ZFYVE19: variants seen among roughly 807,000 people sequenced by gnomAD.
ZFYVE19 encodes zinc finger FYVE-type containing 19.
ZFYVE19 carries 49 observed loss-of-function variants against 62.8 expected under a neutral mutation model. The ratio of observed to expected loss-of-function variants is 0.78; its 90% CI spans 0.62 to 0.99. The LOEUF is 0.99. Among genes scored for constraint, ZFYVE19 ranks in the 50% least tolerant of loss-of-function variants. ZFYVE19 has a pLI of 0.00. For missense variants in ZFYVE19, 630 were observed against 601.9 expected, an observed-to-expected ratio of 1.05 and a Z score of -0.49; for synonymous variants, 242 against 234.3, an observed-to-expected ratio of 1.03 and a Z score of -0.30.
In ZFYVE19 at chr15:40,814,528, C is replaced by A; in HGVS notation, c.*302C>A. 2.1e-6 allele frequency: 1 copy of A among 465,312 alleles called. No individual in the cohort carries two copies. The highest frequency in any genetic ancestry group is 3.4e-5 in the Admixed American group (1 of 29,242). 28.8% of individuals were successfully genotyped at this position (465,312 alleles called of 1,614,324 possible). A position where few individuals can be genotyped will look rare whatever the true frequency, so the allele number is the denominator to read the frequency against. On this transcript the variant is annotated 3_prime_UTR_variant, in exon 11 of 11. Transcript: ENST00000355341. ...TGGCTCTAGGGCACAGGCCCCTCCC[C>A]TGGCACTTAGTGGGTCTAATAAAGT...
At chr15:40,814,113 C>A (rs1291929632) in intron 10 of ZFYVE19, 35 bp from the exon 11 acceptor site, 1 of 1,614,080 alleles carries the variant, frequency 6.2e-7, no homozygotes, top group Non-Finnish European at 8.5e-7. Context: ...TCAAGGGCTG[C>A]CTGGATCCCT....
chr15:40,807,394 A>G lies in ZFYVE19; in HGVS notation c.-196A>G. The G allele has an allele frequency of 6.2e-7, 1 of 1,614,188 alleles. No homozygotes were observed. The highest frequency in any genetic ancestry group is 8.5e-7 in the Non-Finnish European group (1 of 1,180,036). On this transcript the variant is annotated 5_prime_UTR_variant, in exon 1 of 11. It removes an upstream start codon present in the reference 5' UTR. Coordinates refer to ENST00000355341, the MANE Select transcript of ZFYVE19 (RefSeq NM_001077268.2). ...CTCTTTGTCCGCTGCCTTCTCCTCA[A>G]TGCCTAGCAGCGCGTACAGGTCCAT... is the stretch of plus-strand genomic sequence containing the variant.
At chr15:40,812,260 G>A (rs1013315473) in intron 6 of ZFYVE19, among the ~76,000 whole-genome samples, 3 of 152,134 alleles carry the variant, frequency 2.0e-5, no homozygotes, top group South Asian at 2.1e-4. Context: ...AGAAAGGGTT[G>A]AGAAAAGCTG....
chr15:40,812,962 C>A, intron 7 of ZFYVE19, 60 bp downstream of exon 7: 1 of 1,575,376 alleles, frequency 6.3e-7, no homozygotes, highest in Non-Finnish European at 8.6e-7. Context: ...CCTGGCAGGG[C>A]TGAGTCAGGT....
chr15:40,809,672 C>T (rs142932971), intron 3 of ZFYVE19, among the ~76,000 whole-genome samples, 180 bp from the exon 4 acceptor site: 133 of 152,296 alleles, frequency 8.7e-4, no homozygotes, highest in African/African-American at 3.1e-3. Context: ...TCAGCTGGAC[C>T]GTCTGGCTGG....
Position 40,807,650 on chromosome 15 carries a change from G to C in ZFYVE19, c.61G>C (p.Ala21Pro). The C allele has an allele frequency of 6.2e-7, 1 of 1,612,878 alleles. No individual in the cohort carries two copies. The highest frequency in any genetic ancestry group is 1.7e-5 in the Admixed American group (1 of 59,962). The change falls in exon 1 of 11, where the codon GCG (alanine) becomes CCG (proline). Residue 21 changes from alanine (A) to proline (P), a missense_variant. Coordinates refer to ENST00000355341, the MANE Select transcript of ZFYVE19 (RefSeq NM_001077268.2). ...GCTGCCGTACGCTGGCTGCAGGAGA[G>C]CGTCCGGATTCCCTGCTCTAGGTCG... ...PPLPYAGCRR[A>P]SGFPALGRGG...
Position 40,812,745 on chromosome 15 carries a change from T to G in ZFYVE19, c.873T>G (p.Thr291=). ...NDLNQGGPGS[T]NSKRQANWSL... ...TCAACCAGGGTGGCCCAGGGAGCAC[T>G]AATTCCAAGAGGCAGGCCAACTGGT... The change falls in exon 7 of 11, where the codon ACT becomes ACG. Residue 291 remains threonine (T), a synonymous_variant. Transcript: ENST00000355341. 1 of 1,611,748 alleles carries G rather than the reference T, an allele frequency of 6.2e-7. No individual in the cohort carries two copies. Among genetic ancestry groups the G allele is most frequent in the Non-Finnish European group, 8.5e-7 (1 of 1,179,970 alleles).
intron 3 of ZFYVE19, among the ~76,000 whole-genome samples, 157 bp downstream of exon 3, chr15:40,809,615 C>G (rs903586790): frequency 1.1e-4 from 16 of 152,212 alleles, no homozygotes; most frequent in African/African-American, 3.4e-4. Flanking sequence ...GGTAAAGCAG[C>G]TCTTCAGCCC....
Position 40,807,737 on chromosome 15 carries a change from T to C in ZFYVE19, c.148T>C (p.Trp50Arg), listed in dbSNP as rs1890303035. ...GAGQGREGRS[W>R]GEGPRGPGLG... is the part of the protein sequence containing the mutation. ...AGGGCAGGGAAGGGAAGGGCGGAGC[T>C]GGGGTGAGGGTCCAAGGGGCCCAGG... The change falls in exon 1 of 11, where the codon TGG becomes CGG. Residue 50 changes from tryptophan to arginine, a missense_variant. By Grantham distance (101) the Trp-to-Arg change is moderately radical. Transcript: ENST00000355341. 6.3e-7 allele frequency: 1 copy of C among 1,595,394 alleles called. No individual in the cohort carries two copies.
intron 7 of ZFYVE19, 146 bp from the exon 8 acceptor site, chr15:40,813,192 C>A: frequency 1.3e-6 from 1 of 756,156 alleles, no homozygotes; most frequent in Non-Finnish European, 2.2e-6. Flanking sequence ...AGGGACAGGT[C>A]ATCAGGGTGG....
intron 3 of ZFYVE19, 152 bp from the exon 4 acceptor site, chr15:40,809,700 C>T: frequency 1.0e-6 from 1 of 959,244 alleles, no homozygotes; most frequent in East Asian, 2.4e-5. Context: ...GGTTGGGCTG[C>T]AGGGTGACAT....
At chr15:40,813,468 G>T (rs1465582065) in intron 8 of ZFYVE19, 51 bp downstream of exon 8, 1 of 1,525,346 alleles carries the variant, frequency 6.6e-7, no homozygotes, top group East Asian at 2.4e-5. Flanking sequence ...CCGCCTCATT[G>T]CCCCACCTCT....
chr15:40,814,378 G>C lies in ZFYVE19; in HGVS notation c.*152G>C, dbSNP rs568382237. On this transcript the variant is annotated 3_prime_UTR_variant, in exon 11 of 11. Coordinates refer to ENST00000355341, the MANE Select transcript of ZFYVE19 (RefSeq NM_001077268.2). Reference sequence around the variant, plus strand: ...CCTTGGTGTCCCTGGAATGAGGAAAGATTCTCCATTCGAGAGAATGACTGG... The same window carrying C: ...CCTTGGTGTCCCTGGAATGAGGAAACATTCTCCATTCGAGAGAATGACTGG... The C allele has an allele frequency of 6.9e-6, 6 of 865,926 alleles. No individual in the cohort carries two copies. In the African/African-American group the frequency reaches 1.0e-4, roughly 15 times the overall value. 53.6% of individuals were successfully genotyped at this position (865,926 alleles called of 1,614,324 possible). A position where few individuals can be genotyped will look rare whatever the true frequency, so the allele number is the denominator to read the frequency against.
At chr15:40,811,585 CT>C (rs1890488357) in intron 6 of ZFYVE19, among the ~76,000 whole-genome samples, 1 of 135,052 alleles carries the variant, frequency 7.4e-6, no homozygotes, top group African/African-American at 2.8e-5. Flanking sequence ...CCTCAATAAT[CT>C]TATGAGGCCA....
At chr15:40,808,156 C>A in intron 1 of ZFYVE19, 1 of 1,244,470 alleles carries the variant, frequency 8.0e-7, no homozygotes. Context: ...AGTGTAGCAT[C>A]TGGCGGTTTT....
chr15:40,811,218 T>G (rs1890478028), intron 6 of ZFYVE19: 1 of 221,336 alleles, frequency 4.5e-6, no homozygotes. Flanking sequence ...ATCTCAATGC[T>G]CAGTAGCCAT....
Position 40,807,455 on chromosome 15 carries a change from C to G in ZFYVE19, c.-135C>G. The G allele has an allele frequency of 6.2e-7, 1 of 1,614,180 alleles. No individual in the cohort carries two copies. The highest frequency in any genetic ancestry group is 1.1e-5 in the South Asian group (1 of 91,080). ...TCCTTGGTCACTGCCATGGTTCCGG[C>G]CTGACGGATTCGTACTACAACTCCC... On this transcript the variant is annotated 5_prime_UTR_variant, in exon 1 of 11. Transcript: ENST00000355341.
At chr15:40,808,363 C>T (rs1890348874) in intron 1 of ZFYVE19, 1 of 1,597,194 alleles carries the variant, frequency 6.3e-7, no homozygotes, top group Non-Finnish European at 8.5e-7. Context: ...TGCCAGATTC[C>T]TCTGGTAAAC....
intron 9 of ZFYVE19, 46 bp downstream of exon 9, chr15:40,813,857 G>A: frequency 6.3e-7 from 1 of 1,599,362 alleles, no homozygotes; most frequent in South Asian, 1.1e-5. Flanking sequence ...CCCCAGCCTT[G>A]CTTCCTGCCT....
Sources: allele counts gnomAD v4.1 joint callset (sites outside exome capture counted in the v4.1 genomes callset), GRCh38; gene constraint gnomAD v4.1.1; transcripts MANE v1.5; gene names NCBI Gene and HGNC (gene_info 2026-07-23, HGNC 2026-07-21).